CDK5RAP2: variants seen among roughly 807,000 people sequenced by gnomAD.
CDK5RAP2 encodes CDK5 regulatory subunit-associated protein 2.
CDK5RAP2 carries 147 observed loss-of-function variants against 232.9 expected under a neutral mutation model. The observed-to-expected ratio is 0.63, with a 90% CI of 0.55 to 0.72. CDK5RAP2 has a LOEUF of 0.72. Ranked by LOEUF, CDK5RAP2 falls within the 30% of genes least tolerant of loss-of-function variation. The probability of loss-of-function intolerance (pLI) is 0.00; values close to 1 mark genes in which losing one functional copy is unlikely to be tolerated. For synonymous variants in CDK5RAP2, 833 were observed against 833.7 expected (o/e 1.00, Z 0.01); for missense variants, 2,195 against 2,231.5 (o/e 0.98, Z 0.33).
chr9:120,453,747 T>A lies in CDK5RAP2; in HGVS notation c.2502A>T (p.Val834=). The change falls in exon 21 of 38, where the codon GTA becomes GTT. Residue 834 remains valine, a synonymous_variant. Coordinates refer to ENST00000349780, the MANE Select transcript of CDK5RAP2 (RefSeq NM_018249.6). ...EKTPKQKGEL[V]HFVQTNSFSK... ...AAAATGAGTTGGTTTGGACAAAATG[T>A]ACAAGTTCACCTTTTTGCTTAGGTG... The A allele has an allele frequency of 6.2e-7, 1 of 1,614,242 alleles. No homozygotes were observed. The highest frequency in any genetic ancestry group is 8.5e-7 in the Non-Finnish European group (1 of 1,180,034).
chr9:120,517,545 TAA>T (rs1247791687), intron 12 of CDK5RAP2, among the ~76,000 whole-genome samples: 1 of 152,218 alleles, frequency 6.6e-6, no homozygotes, highest in African/African-American at 2.4e-5. Context: ...GGGATTAAAT[TAA>T]AAGACACTGA....
chr9:120,504,984 T>C (rs1406582008), intron 12 of CDK5RAP2, among the ~76,000 whole-genome samples: 2 of 152,200 alleles, frequency 1.3e-5, no homozygotes, highest in Non-Finnish European at 1.5e-5. Flanking sequence ...CTATAAACTC[T>C]ATGACATTTA....
chr9:120,578,715 T>A (rs1327477630), intron 1 of CDK5RAP2, among the ~76,000 whole-genome samples: 1 of 152,026 alleles, frequency 6.6e-6, no homozygotes, highest in Non-Finnish European at 1.5e-5. Flanking sequence ...TACAAGTGCA[T>A]GCCACCACGC....
intron 3 of CDK5RAP2, among the ~76,000 whole-genome samples, chr9:120,558,439 T>C (rs981123404): frequency 7.3e-6 from 1 of 136,772 alleles, no homozygotes; most frequent in African/African-American, 2.7e-5. Context: ...AAGAGCCCCC[T>C]TAGACTTCAG....
At chr9:120,480,758 C>T (rs1044780326) in intron 14 of CDK5RAP2, among the ~76,000 whole-genome samples, 9 of 152,170 alleles carry the variant, frequency 5.9e-5, no homozygotes, top group African/African-American at 1.7e-4. Context: ...TACTGTTGTG[C>T]TTCCAATCCT....
Position 120,437,335 on chromosome 9 carries a change from A to C in CDK5RAP2, c.3915T>G (p.Cys1305Trp). 1.2e-6 allele frequency: 2 copies of C among 1,614,100 alleles called. No homozygotes were observed. Among genetic ancestry groups the C allele is most frequent in the Non-Finnish European group, 1.7e-6 (2 of 1,179,986 alleles). The change falls in exon 25 of 38, where the codon TGT becomes TGG. Residue 1305 changes from cysteine (C) to tryptophan (W), a missense_variant. Cys to Trp is a radical substitution (Grantham distance 215). Transcript: ENST00000349780. ...TTTCCAATTTCTCCAGCAGCTCAGC[A>C]CATTGATTCAGCTGTTCCTGGAAAC... ...AEGFQEQLNQ[C>W]AELLEKLEKL...
intron 5 of CDK5RAP2, among the ~76,000 whole-genome samples, chr9:120,541,064 G>A (rs957934279): frequency 3.9e-5 from 6 of 152,198 alleles, no homozygotes; most frequent in African/African-American, 7.2e-5. Flanking sequence ...ATACACGGCC[G>A]AAAGAATTCT....
In CDK5RAP2 at chr9:120,399,870, G is replaced by A. The variant is rs559618336; in HGVS notation, c.5451+872C>T. Among the ~76,000 whole-genome samples the A allele has an allele frequency of 1.1e-4, 17 of 152,290 alleles. No individual in the cohort carries two copies. The South Asian group carries it at 2.9e-3, about 26-fold the overall frequency. On this transcript the variant is annotated intron_variant, in intron 35 of 37. Transcript: ENST00000349780. Reference sequence around the variant, plus strand: ...TCCCAAAAGTGAAATCTTAGAACAGGCTCATTAGAACCTTCAGAGCAGAGA... The same window carrying A: ...TCCCAAAAGTGAAATCTTAGAACAGACTCATTAGAACCTTCAGAGCAGAGA...
At chr9:120,568,524 T>G in intron 2 of CDK5RAP2, 136 bp from the exon 3 acceptor site, 1 of 753,538 alleles carries the variant, frequency 1.3e-6, no homozygotes, top group Non-Finnish European at 2.4e-6. Flanking sequence ...CTGTCTTTTG[T>G]GATTTACTGA....
chr9:120,395,308 C>T (rs138940829), intron 35 of CDK5RAP2, among the ~76,000 whole-genome samples: 65 of 152,304 alleles, frequency 4.3e-4, no homozygotes, highest in Non-Finnish European at 5.4e-4. Context: ...TTTCAAATTG[C>T]GTGATCTTTT....
chr9:120,577,926 G>A (rs962600563), intron 1 of CDK5RAP2, among the ~76,000 whole-genome samples: 2 of 152,176 alleles, frequency 1.3e-5, no homozygotes, highest in Non-Finnish European at 2.9e-5. Flanking sequence ...GCAATAAGCA[G>A]CATTAAAAGT....
At chr9:120,406,616 T>A (rs562982282) in intron 32 of CDK5RAP2, 1 of 217,856 alleles carries the variant, frequency 4.6e-6, no homozygotes, top group East Asian at 1.1e-4. Context: ...CCTATCAGGA[T>A]GATTTTCAGA....
intron 16 of CDK5RAP2, among the ~76,000 whole-genome samples, chr9:120,470,761 T>C (rs545125962): frequency 6.6e-6 from 1 of 151,264 alleles, no homozygotes; most frequent in African/African-American, 2.4e-5. Flanking sequence ...TAAGGATCTG[T>C]TTCCTTTGCA....
At chr9:120,517,511 C>T (rs771926001) in intron 12 of CDK5RAP2, among the ~76,000 whole-genome samples, 8 of 152,102 alleles carry the variant, frequency 5.3e-5, no homozygotes, top group African/African-American at 9.7e-5. Flanking sequence ...AACAAGGCTA[C>T]GTATCTGGAT....
At chr9:120,464,135 A>G (rs1487500561) in intron 18 of CDK5RAP2, among the ~76,000 whole-genome samples, 2 of 152,154 alleles carry the variant, frequency 1.3e-5, no homozygotes, top group African/African-American at 4.8e-5. Flanking sequence ...AGTGTTCGAC[A>G]CTATGAAACA....
rs572551421 is a variant in CDK5RAP2, at chr9:120,402,901, G to C, written c.5212C>G (p.Leu1738Val). ...CTCTGTCCCTGGCTGATCTGTTTGA[G>C]CAGGGCCTCATAGTCCTCAATCAGG... ...LGLIEDYEALLKQISQGQRLL... is the reference protein window; with the variant it reads ...LGLIEDYEALVKQISQGQRLL... The change falls in exon 34 of 38, where the codon CTC (leucine) becomes GTC (valine). Residue 1738 changes from leucine (L) to valine (V), a missense_variant. Transcript: ENST00000349780. 12 of 1,614,108 alleles carry C rather than the reference G, an allele frequency of 7.4e-6. No individual in the cohort carries two copies. The South Asian group carries it at 1.3e-4, about 18-fold the overall frequency.
In CDK5RAP2 at chr9:120,408,288, T is replaced by C. The variant is rs773555610; in HGVS notation, c.4726+59A>G. The C allele has an allele frequency of 5.0e-6, 8 of 1,608,050 alleles. No homozygotes were observed. In the East Asian group the frequency reaches 1.8e-4, roughly 36 times the overall value. On this transcript the variant is annotated intron_variant, in intron 31 of 37. Coordinates refer to ENST00000349780, the MANE Select transcript of CDK5RAP2 (RefSeq NM_018249.6). Reference sequence around the variant, plus strand: ...CTGCCCTCCTGTGCCTACAGCCAGCTGTCGGGTGGTCTTACAGCCCAAAGC... The same window carrying C: ...CTGCCCTCCTGTGCCTACAGCCAGCCGTCGGGTGGTCTTACAGCCCAAAGC...
chr9:120,439,525 A>G lies in CDK5RAP2; in HGVS notation c.3596T>C (p.Leu1199Pro). Reference sequence around the variant, plus strand: ...CTCCAGCTGCTGTTTGAGGTTCTCCAGCACCCTGCTGTCAATCATCTCTGG... The same window carrying G: ...CTCCAGCTGCTGTTTGAGGTTCTCCGGCACCCTGCTGTCAATCATCTCTGG... Reference protein sequence around the residue: ...LAPEMIDSRVLENLKQQLEEQ... With the variant: ...LAPEMIDSRVPENLKQQLEEQ... The change falls in exon 24 of 38, where the codon CTG (leucine) becomes CCG (proline). Residue 1199 changes from leucine (L) to proline (P), a missense_variant. Physicochemically the swap from Leu to Pro is moderately conservative, Grantham distance 98. Coordinates refer to ENST00000349780, the MANE Select transcript of CDK5RAP2 (RefSeq NM_018249.6). 2 of 1,614,210 alleles carry G rather than the reference A, an allele frequency of 1.2e-6. No individual in the cohort carries two copies. The highest frequency in any genetic ancestry group is 1.7e-6 in the Non-Finnish European group (2 of 1,180,012).
chr9:120,467,553 A>T (rs2037449630), intron 18 of CDK5RAP2, among the ~76,000 whole-genome samples: 1 of 152,234 alleles, frequency 6.6e-6, no homozygotes, highest in Non-Finnish European at 1.5e-5. Flanking sequence ...TGTTATACAT[A>T]CATACATATA....
Sources: gnomAD v4.1 joint callset for allele counts (sites outside exome capture counted in the v4.1 genomes callset) on GRCh38, gnomAD v4.1.1 for gene constraint, MANE v1.5 for transcripts, NCBI Gene and HGNC (gene_info 2026-07-23, HGNC 2026-07-21) for gene names.